GABARAPL1: variants seen among roughly 807,000 people sequenced by gnomAD.
The protein encoded by GABARAPL1 is gamma-aminobutyric acid receptor-associated protein-like 1.
In GABARAPL1, 4 loss-of-function variants were observed where a neutral mutation model predicts 14.5. The observed-to-expected ratio is 0.28, with a 90% CI of 0.14 to 0.63. The LOEUF is 0.63. Ranked by LOEUF, GABARAPL1 falls within the 30% of genes least tolerant of loss-of-function variation. GABARAPL1 has a pLI of 0.84. For synonymous variants in GABARAPL1, 47 were observed against 50.6 expected (o/e 0.93, Z 0.30); for missense variants, 82 against 139.2 (o/e 0.59, Z 2.07).
chr12:10,220,944 TA>T, intron 3 of GABARAPL1: 1 of 1,296,974 alleles, frequency 7.7e-7, no homozygotes, highest in Non-Finnish European at 9.8e-7. Flanking sequence ...TCCAGTTCAT[TA>T]TTTTACTCCC....
rs1949124870 is a variant in GABARAPL1, at chr12:10,222,439, A to C, written c.*587A>C. The stretch of plus-strand genomic sequence containing the variant: ...CACCCCAGGGGTGGCAGTAGACAAC[A>C]ACCCAGAAATTTAGACAGGGATCTC... On this transcript the variant is annotated 3_prime_UTR_variant, in exon 4 of 4. Coordinates refer to ENST00000266458, the MANE Select transcript of GABARAPL1 (RefSeq NM_031412.4). 6.5e-6 allele frequency: 1 copy of C among 153,268 alleles called. No individual in the cohort carries two copies. Among genetic ancestry groups the C allele is most frequent in the Admixed American group, 6.5e-5 (1 of 15,382 alleles). 9.5% of individuals were successfully genotyped at this position (153,268 alleles called of 1,614,324 possible). A position where few individuals can be genotyped will look rare whatever the true frequency, so the allele number is the denominator to read the frequency against.
At chr12:10,221,438 CT>C in intron 3 of GABARAPL1, 1 of 938,334 alleles carries the variant, frequency 1.1e-6, no homozygotes, top group Non-Finnish European at 1.3e-6. Flanking sequence ...AATCCTGAAT[CT>C]TTTTTTGCAT....
chr12:10,219,343 A>AG (rs925925601), intron 2 of GABARAPL1, among the ~76,000 whole-genome samples: 2 of 151,636 alleles, frequency 1.3e-5, no homozygotes, highest in Non-Finnish European at 2.9e-5. Context: ...CAAAAAAAAA[A>AG]AACCCCAAAA....
chr12:10,218,097 C>A lies in GABARAPL1; in HGVS notation c.125C>A (p.Pro42His). ...IVEKAPKARV[P>H]DLDKRKYLVP... is the part of the protein sequence containing the mutation. ...GAGAAGGCTCCAAAAGCCAGGGTGCCTGATCTGGACAAGAGGAAGTACCTA... is the reference window on the plus strand; with the variant it reads ...GAGAAGGCTCCAAAAGCCAGGGTGCATGATCTGGACAAGAGGAAGTACCTA... Residue 42 changes from proline (P) to histidine (H), a missense_variant, in exon 2 of 4, where the codon CCT becomes CAT. Coordinates refer to ENST00000266458, the MANE Select transcript of GABARAPL1 (RefSeq NM_031412.4). 6.2e-7 allele frequency: 1 copy of A among 1,611,246 alleles called. No individual in the cohort carries two copies. The highest frequency in any genetic ancestry group is 8.5e-7 in the Non-Finnish European group (1 of 1,177,374).
At chr12:10,215,270 C>A (rs1949081277) in intron 1 of GABARAPL1, among the ~76,000 whole-genome samples, 1 of 152,182 alleles carries the variant, frequency 6.6e-6, no homozygotes. Context: ...TGACTGCTCG[C>A]ATAACCAGAA....
rs898932742 is a variant in GABARAPL1 at position 10,222,655 on chromosome 12, A to G, written c.*803A>G. 10 of 152,170 alleles carry G rather than the reference A, an allele frequency of 6.6e-5. No individual in the cohort carries two copies. The highest frequency in any genetic ancestry group is 2.2e-4 in the African/African-American group (9 of 41,414). The allele number at this position is 152,170 out of a possible 1,614,324, so 9.4% of individuals were successfully genotyped here. ...AAGTCTCAGGCATTTCCAATTGTAG[A>G]CTAAAACCACTCTTAGCATCTCCTC... On this transcript the variant is annotated 3_prime_UTR_variant, in exon 4 of 4. Coordinates refer to ENST00000266458, the MANE Select transcript of GABARAPL1 (RefSeq NM_031412.4).
rs1451507870 is a variant in GABARAPL1 at position 10,222,048 on chromosome 12, G to A, written c.*196G>A. On this transcript the variant is annotated 3_prime_UTR_variant, in exon 4 of 4. Transcript: ENST00000266458. ...TATTTTTTGCTGCTTCCTCGGCCCA[G>A]GGAGAAAGCATGTCAGGACAGAGCT... is the stretch of plus-strand genomic sequence containing the variant. 3.4e-6 allele frequency: 2 copies of A among 592,742 alleles called. No homozygotes were observed. The highest frequency in any genetic ancestry group is 1.9e-5 in the African/African-American group (1 of 53,836). 36.7% of individuals were successfully genotyped at this position (592,742 alleles called of 1,614,324 possible). A position where few individuals can be genotyped will look rare whatever the true frequency, so the allele number is the denominator to read the frequency against.
At position 10,212,913 on chromosome 12, in the gene GABARAPL1, T is replaced by C. The variant is rs981436678; in HGVS notation, c.-217T>C. ...CCCAGCTCTAGCGAAAAGCCGCCGG[T>C]ATTTCTCCATCTGGCTCTCCTCTAC... On this transcript the variant is annotated 5_prime_UTR_variant, in exon 1 of 4. Transcript: ENST00000266458. The C allele has an allele frequency of 2.9e-5, 14 of 490,556 alleles. No individual in the cohort carries two copies. The highest frequency in any genetic ancestry group is 8.0e-5 in the African/African-American group (4 of 49,718). The allele number at this position is 490,556 out of a possible 1,614,324, so 30.4% of individuals were successfully genotyped here. A position where few individuals can be genotyped will look rare whatever the true frequency, so the allele number is the denominator to read the frequency against.
chr12:10,221,490 A>G (rs1949120198), intron 3 of GABARAPL1: 2 of 902,190 alleles, frequency 2.2e-6, no homozygotes, highest in Non-Finnish European at 2.7e-6. Flanking sequence ...TTATATATCC[A>G]TCTGTGGTAT....
At position 10,212,983 on chromosome 12, in the gene GABARAPL1, C is replaced by A. The variant is rs1949065891; in HGVS notation, c.-147C>A. ...AGATCCCCGCCCCGAACCCCCCCTG[C>A]ACACTCGGCCCAGCGCTGTTGCCCC... On this transcript the variant is annotated 5_prime_UTR_variant, in exon 1 of 4. Coordinates refer to ENST00000266458, the MANE Select transcript of GABARAPL1 (RefSeq NM_031412.4). The A allele has an allele frequency of 3.3e-6, 2 of 603,990 alleles. No individual in the cohort carries two copies. The highest frequency in any genetic ancestry group is 2.8e-5 in the Admixed American group (1 of 36,314). 37.4% of individuals were successfully genotyped at this position (603,990 alleles called of 1,614,324 possible).
intron 1 of GABARAPL1, 128 bp downstream of exon 1, chr12:10,213,347 C>G (rs1470189875): frequency 4.2e-6 from 3 of 714,112 alleles, no homozygotes; most frequent in African/African-American, 1.8e-5. Context: ...TTACTTAATC[C>G]TGAACGCCCT....
chr12:10,216,539 T>C (rs183959523), intron 1 of GABARAPL1, among the ~76,000 whole-genome samples: 13,901 of 111,020 alleles, frequency 0.13, 895 homozygotes, highest in Middle Eastern at 0.21. Context: ...TTTCTTTTCT[T>C]TTTTTTTTTT....
intron 2 of GABARAPL1, 25 bp downstream of exon 2, chr12:10,218,166 C>G (rs542420336): frequency 2.4e-5 from 33 of 1,399,764 alleles, no homozygotes; most frequent in Non-Finnish European, 3.1e-5. Flanking sequence ...CTTCCCTGAC[C>G]CTTCCTCCGG....
intron 3 of GABARAPL1, 110 bp from the exon 4 acceptor site, chr12:10,221,677 G>T: frequency 8.1e-7 from 1 of 1,235,804 alleles, no homozygotes; most frequent in East Asian, 2.4e-5. Flanking sequence ...CTTTTAAATG[G>T]GGACTAATGA....
chr12:10,220,617 C>A, intron 3 of GABARAPL1, 59 bp downstream of exon 3: 1 of 1,611,760 alleles, frequency 6.2e-7, no homozygotes, highest in African/African-American at 1.3e-5. Context: ...CATCCTCTAG[C>A]CCTTGTTCTA....
chr12:10,220,693 T>C, intron 3 of GABARAPL1, 135 bp downstream of exon 3: 1 of 1,546,120 alleles, frequency 6.5e-7, no homozygotes, highest in Non-Finnish European at 8.7e-7. Context: ...CTCTTACATA[T>C]GGCAGTGTAA....
intron 1 of GABARAPL1, among the ~76,000 whole-genome samples, chr12:10,217,559 G>A (rs1307320396): frequency 6.6e-6 from 1 of 152,044 alleles, no homozygotes; most frequent in African/African-American, 2.4e-5. Context: ...TGGTGAAACC[G>A]CATCTCTCTT....
At position 10,218,045 on chromosome 12, in the gene GABARAPL1, C is replaced by T; in HGVS notation, c.91-18C>T. 1 of 1,508,222 alleles carries T rather than the reference C, an allele frequency of 6.6e-7. No homozygotes were observed. The highest frequency in any genetic ancestry group is 9.2e-7 in the Non-Finnish European group (1 of 1,083,564). 93.4% of individuals were successfully genotyped at this position (1,508,222 alleles called of 1,614,324 possible). ...GCCTTCTGTAGTTTTCATTCCTACT[C>T]TCCTCCTCTTCTTCCAGGTGATTGT... is the stretch of plus-strand genomic sequence containing the variant. On this transcript the variant is annotated intron_variant, in intron 1 of 3. Coordinates refer to ENST00000266458, the MANE Select transcript of GABARAPL1 (RefSeq NM_031412.4).
At chr12:10,213,457 C>T (rs1565436014) in intron 1 of GABARAPL1, 3 of 548,968 alleles carry the variant, frequency 5.5e-6, no homozygotes, top group South Asian at 5.0e-5. Flanking sequence ...TTTTGGGGGC[C>T]GAGCCGCCGT....
Sources: allele counts gnomAD v4.1 joint callset (sites outside exome capture counted in the v4.1 genomes callset), GRCh38; gene constraint gnomAD v4.1.1; transcripts MANE v1.5; gene names NCBI Gene and HGNC (gene_info 2026-07-23, HGNC 2026-07-21).